VPS13B: variants seen among roughly 807,000 people sequenced by gnomAD.
VPS13B encodes the protein intermembrane lipid transfer protein VPS13B.
VPS13B carries 285 observed loss-of-function variants against 426.4 expected under a neutral mutation model. The observed-to-expected ratio is 0.67, with a 90% CI of 0.61 to 0.74. The LOEUF (loss-of-function observed/expected upper bound fraction) is 0.74, where lower values mean the gene tolerates loss of function less well. Ranked by LOEUF, VPS13B falls within the 30% of genes least tolerant of loss-of-function variation. The probability of loss-of-function intolerance (pLI) is 0.00; values close to 1 mark genes in which losing one functional copy is unlikely to be tolerated. For missense variants in VPS13B, 4,537 were observed against 4,782.6 expected (o/e 0.95, Z 1.51); for synonymous variants, 1,676 against 1,676.4 (o/e 1.00, Z 0.01).
chr8:99,728,334 C>T (rs889037691), intron 39 of VPS13B, among the ~76,000 whole-genome samples: 113 of 152,282 alleles, frequency 7.4e-4, no homozygotes, highest in African/African-American at 2.6e-3. Context: ...TTCAATATGT[C>T]ACAAACCTTT....
At chr8:99,094,370 G>A (rs1221715635) in intron 3 of VPS13B, among the ~76,000 whole-genome samples, 1 of 152,144 alleles carries the variant, frequency 6.6e-6, no homozygotes, top group African/African-American at 2.4e-5. Flanking sequence ...ATTACAGTGA[G>A]GCTTTATTCA....
chr8:99,731,667 G>A (rs1050905958), intron 39 of VPS13B, among the ~76,000 whole-genome samples: 3 of 152,090 alleles, frequency 2.0e-5, no homozygotes, highest in Non-Finnish European at 4.4e-5. Context: ...GGAGTAGTGG[G>A]GAAGGAGAAA....
chr8:99,157,245 A>G (rs909103978), intron 15 of VPS13B, among the ~76,000 whole-genome samples: 4 of 151,646 alleles, frequency 2.6e-5, no homozygotes, highest in Middle Eastern at 3.4e-3. Context: ...TGTACTTCAT[A>G]GTAATTGTGT....
At chr8:99,253,525 G>T (rs1182866409) in intron 17 of VPS13B, among the ~76,000 whole-genome samples, 2 of 152,014 alleles carry the variant, frequency 1.3e-5, no homozygotes, top group Non-Finnish European at 2.9e-5. Context: ...CATTTTACTT[G>T]GTGTGAAGTG....
chr8:99,320,294 G>A (rs1481036639), intron 19 of VPS13B, among the ~76,000 whole-genome samples: 1 of 152,134 alleles, frequency 6.6e-6, no homozygotes, highest in African/African-American at 2.4e-5. Flanking sequence ...TTTTGCTAAT[G>A]TCAGGATGGA....
chr8:99,312,883 C>T (rs1821088639), intron 19 of VPS13B, among the ~76,000 whole-genome samples: 1 of 152,156 alleles, frequency 6.6e-6, no homozygotes, highest in Non-Finnish European at 1.5e-5. Flanking sequence ...ACTCTTTTTT[C>T]TGTAAACTTC....
At chr8:99,259,441 A>C (rs1465304266) in intron 17 of VPS13B, among the ~76,000 whole-genome samples, 3 of 152,000 alleles carry the variant, frequency 2.0e-5, no homozygotes, top group African/African-American at 7.2e-5. Context: ...TAACCAGTGG[A>C]TTTGGATTTT....
At chr8:99,831,435 A>G (rs1815054079) in intron 51 of VPS13B, among the ~76,000 whole-genome samples, 1 of 152,152 alleles carries the variant, frequency 6.6e-6, no homozygotes, top group African/African-American at 2.4e-5. Flanking sequence ...ATTGTTTTAT[A>G]CTATTGAAAC....
At chr8:99,088,175 C>A (rs899440612) in intron 3 of VPS13B, among the ~76,000 whole-genome samples, 1 of 145,908 alleles carries the variant, frequency 6.9e-6, no homozygotes, top group African/African-American at 2.5e-5. Context: ...CAGAGTGAGA[C>A]CCTGTCTCAA....
chr8:99,545,943 T>G (rs924678961), intron 30 of VPS13B, among the ~76,000 whole-genome samples: 1 of 147,144 alleles, frequency 6.8e-6, no homozygotes, highest in Non-Finnish European at 1.5e-5. Context: ...TCATGATTGA[T>G]ACTTTTCCTT....
chr8:99,043,127 C>G (rs1002070216), intron 3 of VPS13B, among the ~76,000 whole-genome samples: 1 of 152,022 alleles, frequency 6.6e-6, no homozygotes, highest in Admixed American at 6.6e-5. Flanking sequence ...TCCATACTTT[C>G]ACAGGACGAA....
chr8:99,874,318 C>A (rs947010116), intron 61 of VPS13B, among the ~76,000 whole-genome samples: 2 of 152,198 alleles, frequency 1.3e-5, no homozygotes, highest in African/African-American at 2.4e-5. Context: ...GCAGAGCTTT[C>A]GTCTGTTAGT....
At position 99,192,928 on chromosome 8, in the gene VPS13B, C is replaced by T. The variant is rs1351372849; in HGVS notation, c.2386C>T (p.Leu796Phe). Residue 796 changes from leucine to phenylalanine, a missense_variant, in exon 17 of 62, where the codon CTC becomes TTC. Physicochemically the swap from Leu to Phe is conservative, Grantham distance 22. This residue lies in a region of VPS13B where 4,311 missense variants were observed against 4,474.3 expected (regional missense o/e 0.96). Coordinates refer to ENST00000357162, the MANE Select transcript of VPS13B (RefSeq NM_152564.5). ...TGAAGGTATATTTGAACTTCCAAAT[C>T]TCACAATTCAAGCTACAAGAGCACA... ...ITEGIFELPN[L>F]TIQATRAQTL... 8 of 1,613,580 alleles carry T rather than the reference C, an allele frequency of 5.0e-6. No individual in the cohort carries two copies. The highest frequency in any genetic ancestry group is 2.2e-5 in the South Asian group (2 of 91,064).
intron 23 of VPS13B, 104 bp from the exon 24 acceptor site, chr8:99,467,310 A>C: frequency 8.6e-7 from 1 of 1,158,272 alleles, no homozygotes; most frequent in Non-Finnish European, 1.3e-6. Flanking sequence ...TTTATGATGC[A>C]GTATTAGTCA....
chr8:99,860,742 G>A (rs987366023), intron 57 of VPS13B, among the ~76,000 whole-genome samples: 5 of 152,192 alleles, frequency 3.3e-5, no homozygotes, highest in Admixed American at 1.3e-4. Context: ...CATGAAAGTC[G>A]CTCAGTTTCG....
intron 33 of VPS13B, among the ~76,000 whole-genome samples, chr8:99,579,457 G>A (rs1177169237): frequency 6.6e-6 from 1 of 152,008 alleles, no homozygotes; most frequent in Non-Finnish European, 1.5e-5. Flanking sequence ...GAGTGCAGTA[G>A]TGCGATCTCA....
chr8:99,013,777 T>A lies in VPS13B; in HGVS notation c.-12T>A, dbSNP rs992769311. 1.2e-6 allele frequency: 2 copies of A among 1,614,082 alleles called. No individual in the cohort carries two copies. The highest frequency in any genetic ancestry group is 1.7e-6 in the Non-Finnish European group (2 of 1,179,960). ...CCTTTCAGCTTCCGACTTCGACTCCTTACCTTAAAAGATGCTGGAGTCATA... is the reference window on the plus strand; with the variant it reads ...CCTTTCAGCTTCCGACTTCGACTCCATACCTTAAAAGATGCTGGAGTCATA... On this transcript the variant is annotated 5_prime_UTR_variant, in exon 2 of 62. Coordinates refer to ENST00000357162, the MANE Select transcript of VPS13B (RefSeq NM_152564.5).
intron 3 of VPS13B, among the ~76,000 whole-genome samples, chr8:99,055,070 C>T (rs1563510468): frequency 6.8e-6 from 1 of 148,128 alleles, no homozygotes; most frequent in Non-Finnish European, 1.5e-5. Flanking sequence ...CAGGGTCTCA[C>T]TCTGTTCCAC....
At chr8:99,271,404 AG>A (rs1818599095) in intron 17 of VPS13B, among the ~76,000 whole-genome samples, 1 of 152,206 alleles carries the variant, frequency 6.6e-6, no homozygotes, top group African/African-American at 2.4e-5. Flanking sequence ...AACTCTTTAA[AG>A]TGTGCTCTAG....
Sources: gnomAD v4.1 joint callset for allele counts (sites outside exome capture counted in the v4.1 genomes callset) on GRCh38, gnomAD v4.1.1 for gene constraint, gnomAD v4.1.1 regional missense constraint, MANE v1.5 for transcripts, NCBI Gene and HGNC (gene_info 2026-07-23, HGNC 2026-07-21) for gene names.